The following NTM variants were observed in gnomAD, a reference collection of about 807,000 sequenced individuals.
The protein encoded by NTM is neurotrimin, also known as IgLON family member 2.
In NTM, 13 loss-of-function variants were observed where a neutral mutation model predicts 42.1. The observed-to-expected ratio is 0.31, with a 90% confidence interval of 0.20 to 0.49. NTM has a LOEUF of 0.49. Ranked by LOEUF, NTM falls within the 20% of genes least tolerant of loss-of-function variation. The pLI is 0.99. For synonymous variants in NTM, 187 were observed against 179.2 expected, an observed-to-expected ratio of 1.04 and a Z score of -0.35; for missense variants, 373 against 452.8, an observed-to-expected ratio of 0.82 and a Z score of 1.60.
At chr11:131,532,310 G>T (rs2051403047) in intron 1 of NTM, among the ~76,000 whole-genome samples, 1 of 152,230 alleles carries the variant, frequency 6.6e-6, no homozygotes, top group Non-Finnish European at 1.5e-5. Context: ...TTATGGAAGT[G>T]AAATCATTCA....
chr11:131,435,540 C>G (rs1338128966), intron 1 of NTM, among the ~76,000 whole-genome samples: 1 of 152,144 alleles, frequency 6.6e-6, no homozygotes, highest in Non-Finnish European at 1.5e-5. Flanking sequence ...TTATTTGATT[C>G]TCTTTGTAGC....
At chr11:131,805,065 T>C (rs1485416880) in intron 1 of NTM, among the ~76,000 whole-genome samples, 2 of 152,196 alleles carry the variant, frequency 1.3e-5, no homozygotes, top group Non-Finnish European at 2.9e-5. Context: ...AATTAATCAC[T>C]CTCAGGCATT....
intron 1 of NTM, among the ~76,000 whole-genome samples, chr11:131,389,777 C>T (rs977430071): frequency 6.6e-6 from 1 of 152,184 alleles, no homozygotes; most frequent in African/African-American, 2.4e-5. Flanking sequence ...AATAGGAACT[C>T]CCCTGGGATT....
At chr11:131,637,808 A>T (rs2064604112) in intron 1 of NTM, among the ~76,000 whole-genome samples, 1 of 152,182 alleles carries the variant, frequency 6.6e-6, no homozygotes, top group Admixed American at 6.5e-5. Context: ...TGCACAAGAG[A>T]AGGTATCTCG....
At chr11:132,223,010 A>G (rs951408289) in intron 4 of NTM, among the ~76,000 whole-genome samples, 1 of 152,186 alleles carries the variant, frequency 6.6e-6, no homozygotes, top group Admixed American at 6.5e-5. Context: ...AAAAAGACAA[A>G]TGGCTTTCTC....
intron 1 of NTM, among the ~76,000 whole-genome samples, chr11:131,877,407 G>A (rs1222955991): frequency 6.6e-6 from 1 of 152,132 alleles, no homozygotes; most frequent in Non-Finnish European, 1.5e-5. Flanking sequence ...CCAGGAACCT[G>A]GCCAGAATTC....
chr11:132,123,617 A>G (rs1383944650), intron 2 of NTM, among the ~76,000 whole-genome samples: 2 of 152,176 alleles, frequency 1.3e-5, no homozygotes, highest in Admixed American at 6.5e-5. Context: ...CTTCCCATAC[A>G]CAATGCTATA....
chr11:132,062,453 G>A (rs902355678), intron 2 of NTM, among the ~76,000 whole-genome samples: 3 of 151,282 alleles, frequency 2.0e-5, no homozygotes, highest in Non-Finnish European at 2.9e-5. Context: ...AAGGAACTTT[G>A]ACTAAGCATC....
chr11:132,027,962 C>T (rs958555438), intron 2 of NTM, among the ~76,000 whole-genome samples: 4 of 151,584 alleles, frequency 2.6e-5, no homozygotes, highest in African/African-American at 9.7e-5. Context: ...TATTGATATT[C>T]TTCAGGTTCA....
At chr11:132,186,527 C>T (rs1402242180) in intron 3 of NTM, among the ~76,000 whole-genome samples, 1 of 152,214 alleles carries the variant, frequency 6.6e-6, no homozygotes, top group African/African-American at 2.4e-5. Flanking sequence ...AAGACTCCAT[C>T]TTATCATCCA....
intron 1 of NTM, among the ~76,000 whole-genome samples, chr11:131,558,331 C>T: frequency 6.6e-6 from 1 of 152,180 alleles, no homozygotes; most frequent in East Asian, 1.9e-4. Context: ...ATACAGAGAC[C>T]TGGGAATATC....
At chr11:131,436,595 T>C (rs924436611) in intron 1 of NTM, among the ~76,000 whole-genome samples, 4 of 152,252 alleles carry the variant, frequency 2.6e-5, no homozygotes, top group African/African-American at 9.6e-5. Context: ...TATTCTCTGA[T>C]GGTAGTTTGT....
chr11:131,985,371 G>C (rs1163156012), intron 2 of NTM, among the ~76,000 whole-genome samples: 1 of 152,150 alleles, frequency 6.6e-6, no homozygotes, highest in African/African-American at 2.4e-5. Context: ...AATCATGCCA[G>C]AATCCTACTC....
chr11:131,744,590 G>C (rs2081573135), intron 1 of NTM, among the ~76,000 whole-genome samples: 1 of 152,052 alleles, frequency 6.6e-6, no homozygotes, highest in Non-Finnish European at 1.5e-5. Flanking sequence ...GTCTATTAAG[G>C]AATTGGATAT....
intron 2 of NTM, among the ~76,000 whole-genome samples, chr11:132,115,685 C>A (rs2063788141): frequency 6.6e-6 from 1 of 152,190 alleles, no homozygotes; most frequent in South Asian, 2.1e-4. Context: ...TTGAATAAGC[C>A]ATGACTCAGT....
chr11:131,541,341 C>T (rs77122067), intron 1 of NTM, among the ~76,000 whole-genome samples: 3,877 of 152,278 alleles, frequency 0.025, 167 homozygotes, highest in African/African-American at 0.082. Context: ...GGTCCCAGAA[C>T]GCTCCAGAAT....
chr11:132,283,762 G>A (rs910730877), intron 4 of NTM, among the ~76,000 whole-genome samples: 3 of 152,132 alleles, frequency 2.0e-5, no homozygotes, highest in African/African-American at 4.8e-5. Context: ...AGGAGGGGAG[G>A]CTAAGATGGG....
chr11:131,775,127 C>T (rs1408569043), intron 1 of NTM, among the ~76,000 whole-genome samples: 2 of 152,222 alleles, frequency 1.3e-5, no homozygotes, highest in African/African-American at 4.8e-5. Flanking sequence ...GAATGCTGTG[C>T]TTCCAGCAAA....
intron 1 of NTM, among the ~76,000 whole-genome samples, chr11:131,604,649 T>A (rs67143329): frequency 5.2e-4 from 49 of 94,340 alleles, no homozygotes; most frequent in Non-Finnish European, 5.5e-4. Context: ...AAAGGTTTTT[T>A]TTTTTTTTTT....
Sources: gnomAD v4.1 joint callset for allele counts (sites outside exome capture counted in the v4.1 genomes callset) on GRCh38, gnomAD v4.1.1 for gene constraint, MANE v1.5 for transcripts, NCBI Gene and HGNC (gene_info 2026-07-23, HGNC 2026-07-21) for gene names.